The following KRT13 variants were observed in gnomAD, a reference collection of about 807,000 sequenced individuals.
KRT13 encodes keratin 13.
Under a neutral mutation model 40.6 loss-of-function variants are expected in KRT13, and 27 were observed. The observed-to-expected ratio is 0.67, with a 90% CI of 0.49 to 0.92. The LOEUF (loss-of-function observed/expected upper bound fraction) is 0.92. KRT13 is among the 40% of genes least tolerant of loss of function. The pLI, the probability that KRT13 is intolerant of heterozygous loss-of-function variation, is 0.00. For missense variants in KRT13, 605 were observed against 611.5 expected, an observed-to-expected ratio of 0.99 and a Z score of 0.11; for synonymous variants, 266 against 240.3, an observed-to-expected ratio of 1.11 and a Z score of -0.99.
At position 41,501,244 on chromosome 17, in the gene KRT13, C is replaced by T. The variant is rs758486017; in HGVS notation, c.*12G>A. ...GGGTGCTGAAGACAGAGGGAGGGGA[C>T]GCCAGGCAGATTTAAGGCCTACGGA... On this transcript the variant is annotated 3_prime_UTR_variant, in exon 8 of 8. Coordinates refer to ENST00000246635, the MANE Select transcript of KRT13 (RefSeq NM_153490.3). 1.2e-5 allele frequency: 18 copies of T among 1,538,620 alleles called. No homozygotes were observed. Among genetic ancestry groups the T allele is most frequent in the Non-Finnish European group, 1.5e-5 (17 of 1,134,474 alleles).
In KRT13 at chr17:41,502,495, T is replaced by G. The variant is rs1192144033; in HGVS notation, c.1123A>C (p.Ser375Arg). ...CACTCCATCTCACTGCGGAGCTCGC[T>G]CAGCTGGGCCTCGATGCTGCTGATG... ...GLISSIEAQL[S>R]ELRSEMECQN... Residue 375 changes from serine to arginine, a missense_variant, in exon 6 of 8, where the codon AGC (serine) becomes CGC (arginine). Ser to Arg is a moderately radical substitution (Grantham distance 110). Coordinates refer to ENST00000246635, the MANE Select transcript of KRT13 (RefSeq NM_153490.3). 5 of 1,614,148 alleles carry G rather than the reference T, an allele frequency of 3.1e-6. No homozygotes were observed. Among genetic ancestry groups the G allele is most frequent in the Non-Finnish European group, 4.2e-6 (5 of 1,180,028 alleles).
At chr17:41,502,327 C>G in intron 6 of KRT13, 47 bp downstream of exon 6, 1 of 1,613,178 alleles carries the variant, frequency 6.2e-7, no homozygotes, top group Non-Finnish European at 8.5e-7. Context: ...CTGACACCCA[C>G]GGGTCCTGCA....
Position 41,501,349 on chromosome 17 carries a change from G to A in KRT13, c.1284C>T (p.Pro428=). 6.4e-7 allele frequency: 1 copy of A among 1,565,156 alleles called. No individual in the cohort carries two copies. Among genetic ancestry groups the A allele is most frequent in the South Asian group, 1.2e-5 (1 of 84,928 alleles). Residue 428 remains proline, a synonymous_variant, in exon 8 of 8, where the codon CCC becomes CCT. Coordinates refer to ENST00000246635, the MANE Select transcript of KRT13 (RefSeq NM_153490.3). ...GFPSSAGSVS[P]RSTSVTTTSS... ...AAGTCGTGGTAACAGAGGTGCTACG[G>A]GGGCTGACGCTTCCTGGGAAACAAG...
intron 7 of KRT13, 137 bp from the exon 8 acceptor site, chr17:41,501,499 T>A (rs1402853404): frequency 9.3e-7 from 1 of 1,076,950 alleles, no homozygotes; most frequent in African/African-American, 1.6e-5. Context: ...TCCCCAAAGA[T>A]GGCTCTTCCC....
At chr17:41,504,239 A>C (rs964472154) in intron 1 of KRT13, 3 of 178,910 alleles carry the variant, frequency 1.7e-5, no homozygotes, top group African/African-American at 7.2e-5. Context: ...CGACCTGCTG[A>C]GAACATCTTT....
At position 41,501,341 on chromosome 17, in the gene KRT13, G is replaced by A. The variant is rs551367433; in HGVS notation, c.1292C>T (p.Thr431Ile). The A allele has an allele frequency of 1.9e-6, 3 of 1,569,212 alleles. No individual in the cohort carries two copies. The highest frequency in any genetic ancestry group is 2.3e-5 in the South Asian group (2 of 85,200). ...SSAGSVSPRS[T>I]SVTTTSSASV... The stretch of plus-strand genomic sequence containing the variant: ...GGCACTAGAAGTCGTGGTAACAGAG[G>A]TGCTACGGGGGCTGACGCTTCCTGG... The change falls in exon 8 of 8, where the codon ACC (threonine) becomes ATC (isoleucine). Residue 431 changes from threonine to isoleucine, a missense_variant. By Grantham distance (89) the Thr-to-Ile change is moderately conservative. Coordinates refer to ENST00000246635, the MANE Select transcript of KRT13 (RefSeq NM_153490.3).
In KRT13 at chr17:41,503,400, T is replaced by TGTCG; in HGVS notation, c.618_621dup (p.Ile208ArgfsTer11). On this transcript the variant is annotated frameshift_variant, in exon 3 of 8. Transcript: ENST00000246635. LOFTEE classifies it high-confidence loss of function. ...TCCAGCACCCGGCGCAGGCCGTTGA[T>TGTCG]GTCGGCCTCCACGCTCTGGCGCAGG... 1 of 1,614,228 alleles carries TGTCG rather than the reference T, an allele frequency of 6.2e-7. No homozygotes were observed. The highest frequency in any genetic ancestry group is 8.5e-7 in the Non-Finnish European group (1 of 1,180,006).
At position 41,503,734 on chromosome 17, in the gene KRT13, T is replaced by C. The variant is rs780820686; in HGVS notation, c.496-9A>G. The C allele has an allele frequency of 1.2e-5, 20 of 1,613,188 alleles. No homozygotes were observed. Among genetic ancestry groups the C allele is most frequent in the Non-Finnish European group, 1.7e-5 (20 of 1,179,350 alleles). ...ATGGTGGCGGTCAGGATCTACAAAA[T>C]GCAGAAGAAGGTAACCTCTAGGGCA... On this transcript the variant is annotated splice_polypyrimidine_tract_variant and intron_variant, in intron 1 of 7. Transcript: ENST00000246635.
At position 41,502,478 on chromosome 17, in the gene KRT13, C is replaced by G. The variant is rs769874748; in HGVS notation, c.1140G>C (p.Glu380Asp). The part of the protein sequence containing the change: ...IEAQLSELRS[E>D]MECQNQEYKM... Reference sequence around the variant, plus strand: ...TGTACTCTTGGTTCTGGCACTCCATCTCACTGCGGAGCTCGCTCAGCTGGG... The same window carrying G: ...TGTACTCTTGGTTCTGGCACTCCATGTCACTGCGGAGCTCGCTCAGCTGGG... Residue 380 changes from glutamate (E) to aspartate (D), a missense_variant, in exon 6 of 8, where the codon GAG (glutamate) becomes GAC (aspartate). Transcript: ENST00000246635. 4 of 1,614,212 alleles carry G rather than the reference C, an allele frequency of 2.5e-6. No individual in the cohort carries two copies. The highest frequency in any genetic ancestry group is 3.4e-6 in the Non-Finnish European group (4 of 1,180,026).
chr17:41,501,647 T>C, intron 7 of KRT13, 72 bp downstream of exon 7: 1 of 1,543,222 alleles, frequency 6.5e-7, no homozygotes, highest in South Asian at 1.2e-5. Flanking sequence ...CCCCGCCAGC[T>C]CCCACCCCCA....
Position 41,505,558 on chromosome 17 carries a change from G to T in KRT13, c.-8C>A. 1 of 1,614,200 alleles carries T rather than the reference G, an allele frequency of 6.2e-7. No homozygotes were observed. The highest frequency in any genetic ancestry group is 8.5e-7 in the Non-Finnish European group (1 of 1,180,038). On this transcript the variant is annotated 5_prime_UTR_variant, in exon 1 of 8. Coordinates refer to ENST00000246635, the MANE Select transcript of KRT13 (RefSeq NM_153490.3). ...CTGCAGGCGGAGGCTCATGGTGAGA[G>T]CAGGATTGAGAGCAGGTGCAGATAG...
At chr17:41,501,841 C>T in intron 6 of KRT13, 97 bp from the exon 7 acceptor site, 1 of 1,551,034 alleles carries the variant, frequency 6.4e-7, no homozygotes, top group Non-Finnish European at 8.7e-7. Flanking sequence ...TCATTTCAAG[C>T]CCCTGGGCTG....
At position 41,503,727 on chromosome 17, in the gene KRT13, T is replaced by C. The variant is rs1427959972; in HGVS notation, c.496-2A>G. ...GTTTTCAATGGTGGCGGTCAGGATC[T>C]ACAAAATGCAGAAGAAGGTAACCTC... On this transcript the variant is annotated splice_acceptor_variant, in intron 1 of 7. Coordinates refer to ENST00000246635, the MANE Select transcript of KRT13 (RefSeq NM_153490.3). LOFTEE classifies it high-confidence loss of function. 4 of 1,613,642 alleles carry C rather than the reference T, an allele frequency of 2.5e-6. No individual in the cohort carries two copies. Among genetic ancestry groups the C allele is most frequent in the Non-Finnish European group, 2.5e-6 (3 of 1,179,698 alleles).
At chr17:41,502,037 T>G in intron 6 of KRT13, 3 of 1,415,358 alleles carry the variant, frequency 2.1e-6, no homozygotes, top group Non-Finnish European at 2.8e-6. Context: ...ACCTGAGCCC[T>G]GAGCCCACAG....
Position 41,503,092 on chromosome 17 carries a change from T to C in KRT13, c.742A>G (p.Lys248Glu). 1 of 1,614,230 alleles carries C rather than the reference T, an allele frequency of 6.2e-7. No homozygotes were observed. Among genetic ancestry groups the C allele is most frequent in the Non-Finnish European group, 8.5e-7 (1 of 1,180,046 alleles). The change falls in exon 4 of 8, where the codon AAG (lysine) becomes GAG (glutamate). Residue 248 changes from lysine (K) to glutamate (E), a missense_variant. Physicochemically the swap from Lys to Glu is moderately conservative, Grantham distance 56. Transcript: ENST00000246635. ...YMKKNHEEEM[K>E]EFSNQVVGQV... ...CCGACCACCTGGTTGCTAAATTCCT[T>C]CATCTCCTGTGGGGATGGGAAAGGA...
chr17:41,505,046 A>G lies in KRT13; in HGVS notation c.495+10T>C. 1 of 1,614,024 alleles carries G rather than the reference A, an allele frequency of 6.2e-7. No homozygotes were observed. Among genetic ancestry groups the G allele is most frequent in the East Asian group, 2.2e-5 (1 of 44,862 alleles). On this transcript the variant is annotated intron_variant, in intron 1 of 7. Coordinates refer to ENST00000246635, the MANE Select transcript of KRT13 (RefSeq NM_153490.3). ...CATGGAGGACCCCTCCTCAGCTTCC[A>G]AGGGCTCACCTTGTCCCGGAGCTCT...
Position 41,502,548 on chromosome 17 carries a change from G to A in KRT13, c.1070C>T (p.Ala357Val), listed in dbSNP as rs745938353. The A allele has an allele frequency of 1.2e-5, 19 of 1,613,766 alleles. No individual in the cohort carries two copies. The highest frequency in any genetic ancestry group is 1.4e-5 in the Non-Finnish European group (17 of 1,180,040). ...TCCCTGGATCTGCTGCAGCTGCAGG[G>A]CATAGCGGCACTCCGTCTCTGCCAC... The part of the protein sequence containing the change: ...NTVAETECRY[A>V]LQLQQIQGLI... Residue 357 changes from alanine to valine, a missense_variant, in exon 6 of 8, where the codon GCC becomes GTC. Transcript: ENST00000246635.
rs2144502219 is a variant in KRT13 at position 41,501,731 on chromosome 17, G to A, written c.1258C>T (p.Pro420Ser). ...EGQDAKMIGFPSSAGSVSPRS... is the reference protein window; with the variant it reads ...EGQDAKMIGFSSSAGSVSPRS... ...GCTGTTCCCTTACCTGCTGAGGAAGGGAAACCAATCATCCTGGGAGAGAGG... is the reference window on the plus strand; with the variant it reads ...GCTGTTCCCTTACCTGCTGAGGAAGAGAAACCAATCATCCTGGGAGAGAGG... Residue 420 changes from proline to serine, a missense_variant, in exon 7 of 8, where the codon CCT becomes TCT. Coordinates refer to ENST00000246635, the MANE Select transcript of KRT13 (RefSeq NM_153490.3). The A allele has an allele frequency of 6.3e-7, 1 of 1,592,914 alleles. No individual in the cohort carries two copies. Among genetic ancestry groups the A allele is most frequent in the East Asian group, 2.3e-5 (1 of 44,098 alleles).
intron 6 of KRT13, chr17:41,502,112 G>T: frequency 2.8e-6 from 4 of 1,427,946 alleles, no homozygotes; most frequent in Non-Finnish European, 3.7e-6. Flanking sequence ...GCTTTGTTCA[G>T]CTGAGCTGTA....
Sources: gnomAD v4.1 joint callset for allele counts on GRCh38, gnomAD v4.1.1 for gene constraint, MANE v1.5 for transcripts, NCBI Gene and HGNC (gene_info 2026-07-23, HGNC 2026-07-21) for gene names.